Variants in RAB19 observed in about 807,000 individuals in gnomAD.
RAB19 encodes the protein RAB19, member RAS oncogene family.
A neutral mutation model predicts 17.3 loss-of-function variants in RAB19; 21 were observed. The ratio of observed to expected loss-of-function variants is 1.21; its 90% CI spans 0.86 to 1.74. The LOEUF is 1.74. RAB19 is among the 40% of genes most tolerant of loss of function. The probability of loss-of-function intolerance (pLI) is 0.00; values close to 1 mark genes in which losing one functional copy is unlikely to be tolerated. For missense variants in RAB19, 277 were observed against 286.8 expected (o/e 0.97, Z 0.25); for synonymous variants, 126 against 110.4 (o/e 1.14, Z -0.88).
intron 3 of RAB19, among the ~76,000 whole-genome samples, chr7:140,420,001 A>T (rs570111265): frequency 1.3e-5 from 2 of 152,266 alleles, no homozygotes; most frequent in Non-Finnish European, 2.9e-5. Context: ...GTCAATTCCT[A>T]ACAGTAGCTT....
intron 3 of RAB19, among the ~76,000 whole-genome samples, chr7:140,414,366 C>G (rs11771129): frequency 6.6e-6 from 1 of 152,058 alleles, no homozygotes; most frequent in Non-Finnish European, 1.5e-5. Flanking sequence ...CTGAAGGCAG[C>G]GACCTGTCTC....
At chr7:140,413,703 T>TA (rs951837032) in intron 3 of RAB19, among the ~76,000 whole-genome samples, 2 of 151,758 alleles carry the variant, frequency 1.3e-5, no homozygotes, top group African/African-American at 2.4e-5. Context: ...CCTGGTCTCT[T>TA]AAAAAATAAA....
intron 3 of RAB19, among the ~76,000 whole-genome samples, chr7:140,425,201 G>A (rs987461980): frequency 2.6e-5 from 4 of 152,116 alleles, no homozygotes; most frequent in South Asian, 2.1e-4. Flanking sequence ...CACGAGAATC[G>A]TTTGAACCTG....
chr7:140,412,184 G>T (rs186370613), intron 3 of RAB19, 127 bp downstream of exon 3: 217 of 985,138 alleles, frequency 2.2e-4, no homozygotes, highest in Non-Finnish European at 3.1e-4. Flanking sequence ...GGGCACAGTG[G>T]CTCACACCTG....
Position 140,426,237 on chromosome 7 carries a change from G to A in RAB19, c.*87G>A, listed in dbSNP as rs551856243. The A allele has an allele frequency of 1.5e-5, 22 of 1,485,378 alleles. No homozygotes were observed. The highest frequency in any genetic ancestry group is 7.0e-5 in the African/African-American group (5 of 71,334). 92.0% of individuals were successfully genotyped at this position (1,485,378 alleles called of 1,614,324 possible). ...GATACCGTAGTGTTGCCCCAGTGGC[G>A]CTTTAGACCCCAGCGTGGACTTGCC... On this transcript the variant is annotated 3_prime_UTR_variant, in exon 4 of 4. Coordinates refer to ENST00000537763, the MANE Select transcript of RAB19 (RefSeq NM_001008749.3).
At chr7:140,417,105 G>A (rs376817591) in intron 3 of RAB19, among the ~76,000 whole-genome samples, 1 of 151,178 alleles carries the variant, frequency 6.6e-6, no homozygotes, top group African/African-American at 2.4e-5. Flanking sequence ...GTGTGGTGGT[G>A]AGTGCCTATA....
chr7:140,415,626 A>C (rs1224871238), intron 3 of RAB19, among the ~76,000 whole-genome samples: 1 of 152,226 alleles, frequency 6.6e-6, no homozygotes, highest in East Asian at 1.9e-4. Context: ...TTATGCAGTC[A>C]GATGTGTAAA....
chr7:140,404,566 G>C (rs1799201278), intron 1 of RAB19: 1 of 152,214 alleles, frequency 6.6e-6, no homozygotes, highest in Non-Finnish European at 1.5e-5. Context: ...TCGCCTTAAA[G>C]CCCTGGGTTT....
intron 1 of RAB19, among the ~76,000 whole-genome samples, chr7:140,405,564 G>A (rs1348971371): frequency 1.3e-5 from 2 of 151,608 alleles, no homozygotes; most frequent in African/African-American, 2.4e-5. Context: ...GAGGGGGGGC[G>A]CAGGGCTCTC....
rs550300510 is a variant in RAB19, at chr7:140,417,972, G to A, written c.385+5915G>A. ...AATCACACCTGCAAAGACCCTGTTAGCATTGACAGCTGCCTGAGGCCAGAG... is the reference window on the plus strand; with the variant it reads ...AATCACACCTGCAAAGACCCTGTTAACATTGACAGCTGCCTGAGGCCAGAG... On this transcript the variant is annotated intron_variant, in intron 3 of 3. Coordinates refer to ENST00000537763, the MANE Select transcript of RAB19 (RefSeq NM_001008749.3). Among the ~76,000 whole-genome samples the A allele has an allele frequency of 6.6e-5, 10 of 152,234 alleles. No individual in the cohort carries two copies. The South Asian group carries it at 2.1e-3, about 32-fold the overall frequency.
At position 140,426,116 on chromosome 7, in the gene RAB19, A is replaced by C; in HGVS notation, c.620A>C (p.Gln207Pro). ...PLDSSPVLMA[Q>P]GPSEKTHCTC ...GACTCCAGCCCCGTTCTTATGGCCC[A>C]GGGTCCAAGTGAAAAGACCCACTGC... is the stretch of plus-strand genomic sequence containing the variant. Residue 207 changes from glutamine (Q) to proline (P), a missense_variant, in exon 4 of 4, where the codon CAG becomes CCG. By Grantham distance (76) the Gln-to-Pro change is moderately conservative. Transcript: ENST00000537763. 2 of 1,614,128 alleles carry C rather than the reference A, an allele frequency of 1.2e-6. No individual in the cohort carries two copies. The highest frequency in any genetic ancestry group is 1.7e-6 in the Non-Finnish European group (2 of 1,180,008).
intron 3 of RAB19, among the ~76,000 whole-genome samples, chr7:140,424,485 T>C (rs1799617300): frequency 6.6e-6 from 1 of 151,822 alleles, no homozygotes; most frequent in African/African-American, 2.4e-5. Flanking sequence ...TTAAAGTCTG[T>C]GGATAGCACC....
intron 1 of RAB19, among the ~76,000 whole-genome samples, chr7:140,405,142 C>T (rs1010206170): frequency 2.0e-5 from 3 of 151,810 alleles, no homozygotes; most frequent in African/African-American, 7.3e-5. Flanking sequence ...TCAGAATCAC[C>T]TGGGGAAGAG....
chr7:140,419,553 G>A (rs1383704298), intron 3 of RAB19, among the ~76,000 whole-genome samples: 1 of 151,932 alleles, frequency 6.6e-6, no homozygotes, highest in Non-Finnish European at 1.5e-5. Flanking sequence ...CTGTTCTCTT[G>A]GCAATGGACA....
chr7:140,418,396 CAAAA>C (rs140238398), intron 3 of RAB19, among the ~76,000 whole-genome samples: 30,776 of 70,062 alleles, frequency 0.44, 3,739 homozygotes, highest in Admixed American at 0.55. Context: ...TGCTAAAATA[CAAAA>C]AAAAAAAAAA....
At chr7:140,406,813 C>G (rs932547377) in intron 1 of RAB19, among the ~76,000 whole-genome samples, 24 of 152,174 alleles carry the variant, frequency 1.6e-4, no homozygotes, top group African/African-American at 5.3e-4. Flanking sequence ...CACTCTTCCC[C>G]AAGCTGACTT....
In RAB19 at chr7:140,426,105, T is replaced by A; in HGVS notation, c.609T>A (p.Val203=). ...LNGLPLDSSP[V]LMAQGPSEKT... ...GCCTCCCCCTGGACTCCAGCCCCGT[T>A]CTTATGGCCCAGGGTCCAAGTGAAA... Residue 203 remains valine, a synonymous_variant, in exon 4 of 4, where the codon GTT becomes GTA. Coordinates refer to ENST00000537763, the MANE Select transcript of RAB19 (RefSeq NM_001008749.3). The A allele has an allele frequency of 6.2e-7, 1 of 1,614,164 alleles. No individual in the cohort carries two copies. The highest frequency in any genetic ancestry group is 8.5e-7 in the Non-Finnish European group (1 of 1,180,032).
In RAB19 at chr7:140,426,288, G is replaced by C. The variant is rs1799671426; in HGVS notation, c.*138G>C. ...GCTCACCCCTAATCCTCCCAGTCTG[G>C]ATGGGCCACACTTCTCCCTTGACTC... On this transcript the variant is annotated 3_prime_UTR_variant, in exon 4 of 4. Coordinates refer to ENST00000537763, the MANE Select transcript of RAB19 (RefSeq NM_001008749.3). The C allele has an allele frequency of 1.0e-6, 1 of 958,826 alleles. No homozygotes were observed. Among genetic ancestry groups the C allele is most frequent in the East Asian group, 2.6e-5 (1 of 37,876 alleles). 59.4% of individuals were successfully genotyped at this position (958,826 alleles called of 1,614,324 possible). A position where few individuals can be genotyped will look rare whatever the true frequency, so the allele number is the denominator to read the frequency against.
At chr7:140,424,665 A>ATATGTGTG (rs1267934251) in intron 3 of RAB19, among the ~76,000 whole-genome samples, 2 of 54,664 alleles carry the variant, frequency 3.7e-5, no homozygotes, top group African/African-American at 2.6e-4. Context: ...ATGTGTGTGT[A>ATATGTGTG]TATATATATA....
Sources: allele counts gnomAD v4.1 joint callset (sites outside exome capture counted in the v4.1 genomes callset), GRCh38; gene constraint gnomAD v4.1.1; transcripts MANE v1.5; gene names NCBI Gene and HGNC (gene_info 2026-07-23, HGNC 2026-07-21).